The following ALK variants were observed in gnomAD, a reference collection of about 807,000 sequenced individuals.
The protein encoded by ALK is ALK tyrosine kinase receptor.
In ALK, 74 loss-of-function variants were observed where a neutral mutation model predicts 163.1. The ratio of observed to expected loss-of-function variants is 0.45; its 90% CI spans 0.38 to 0.55. ALK has a LOEUF of 0.55. ALK is among the 20% of genes least tolerant of loss of function. The pLI is 0.00. For synonymous variants in ALK, 960 were observed against 843.2 expected (o/e 1.14, Z -2.40); for missense variants, 2,063 against 2,105.3 (o/e 0.98, Z 0.39).
At chr2:29,761,485 G>C (rs145160634) in intron 1 of ALK, among the ~76,000 whole-genome samples, 1 of 152,184 alleles carries the variant, frequency 6.6e-6, no homozygotes, top group Admixed American at 6.5e-5. Context: ...GCATGACCTC[G>C]GGGAGTGTCA....
chr2:29,277,692 G>A (rs1665583515), intron 9 of ALK, among the ~76,000 whole-genome samples: 1 of 152,234 alleles, frequency 6.6e-6, no homozygotes, highest in Non-Finnish European at 1.5e-5. Flanking sequence ...TGGTGGTTGG[G>A]TGTGGAAGGA....
Position 29,615,219 on chromosome 2 carries a change from T to C in ALK, c.952+79631A>G, listed in dbSNP as rs1675807186. 2.0e-5 allele frequency among the ~76,000 whole-genome samples: 3 copies of C among 152,184 alleles called. No individual in the cohort carries two copies. The South Asian group carries it at 6.2e-4, about 32-fold the overall frequency. On this transcript the variant is annotated intron_variant, in intron 3 of 28. Transcript: ENST00000389048. Reference sequence around the variant, plus strand: ...TCCTTCCTACTTGGTTACATGATATTTACTCTTCCAGATATCATGCCACCT... The same window carrying C: ...TCCTTCCTACTTGGTTACATGATATCTACTCTTCCAGATATCATGCCACCT...
chr2:29,674,418 A>G (rs1335638301), intron 3 of ALK, among the ~76,000 whole-genome samples: 1 of 151,378 alleles, frequency 6.6e-6, no homozygotes, highest in Non-Finnish European at 1.5e-5. Flanking sequence ...CCTTTTCTGC[A>G]TCTATTGAGA....
chr2:29,912,243 A>G (rs919851340), intron 1 of ALK, among the ~76,000 whole-genome samples: 1 of 152,204 alleles, frequency 6.6e-6, no homozygotes, highest in Non-Finnish European at 1.5e-5. Context: ...TATAGACTCA[A>G]GAGTCTCAAA....
chr2:29,306,578 C>T (rs1239679170), intron 8 of ALK, among the ~76,000 whole-genome samples: 5 of 152,164 alleles, frequency 3.3e-5, no homozygotes, highest in South Asian at 2.1e-4. Context: ...GAAATACTTT[C>T]GTGCTGGAGA....
chr2:29,479,793 C>T (rs1671618587), intron 4 of ALK, among the ~76,000 whole-genome samples: 1 of 152,148 alleles, frequency 6.6e-6, no homozygotes, highest in Non-Finnish European at 1.5e-5. Flanking sequence ...GCCCTCTGCT[C>T]TGGCAGTGAC....
At chr2:29,591,027 C>T (rs535950448) in intron 3 of ALK, among the ~76,000 whole-genome samples, 3 of 141,170 alleles carry the variant, frequency 2.1e-5, no homozygotes, top group South Asian at 2.3e-4. Context: ...GCCGAGATCG[C>T]GCCACCGCAC....
In ALK at chr2:29,272,734, T is replaced by C. The variant is rs1339553486; in HGVS notation, c.2041+2365A>G. 3.9e-5 allele frequency among the ~76,000 whole-genome samples: 6 copies of C among 152,308 alleles called. No homozygotes were observed. The East Asian group carries it at 1.2e-3, about 29-fold the overall frequency. On this transcript the variant is annotated intron_variant, in intron 11 of 28. Coordinates refer to ENST00000389048, the MANE Select transcript of ALK (RefSeq NM_004304.5). ...GTCTCCTCGATTGTTTGTCAGAAGG[T>C]TGGGAGCTGATTTGTTTACTGTTCG...
At position 29,267,535 on chromosome 2, in the gene ALK, C is replaced by G. The variant is rs1053341018; in HGVS notation, c.2041+7564G>C. 3.3e-5 allele frequency among the ~76,000 whole-genome samples: 5 copies of G among 152,120 alleles called. No homozygotes were observed. The East Asian group carries it at 5.8e-4, about 18-fold the overall frequency. The stretch of plus-strand genomic sequence containing the variant: ...GTGTAAGCACCCAGCAGGGAGGGCA[C>G]TGGCTGGGCTGAGTTCTGCCCTGTG... On this transcript the variant is annotated intron_variant, in intron 11 of 28. Transcript: ENST00000389048.
intron 3 of ALK, among the ~76,000 whole-genome samples, chr2:29,647,419 T>C (rs553023794): frequency 6.6e-6 from 1 of 152,276 alleles, no homozygotes; most frequent in East Asian, 1.9e-4. Context: ...AGCTTCTCAG[T>C]TGACTTCCCC....
At chr2:29,214,121 T>A (rs2148159714) in intron 23 of ALK, 40 bp from the exon 24 acceptor site, 1 of 1,558,410 alleles carries the variant, frequency 6.4e-7, no homozygotes, top group Non-Finnish European at 8.8e-7. Flanking sequence ...GAGGAGCTTG[T>A]CAGTGAGAGG....
intron 4 of ALK, among the ~76,000 whole-genome samples, chr2:29,423,108 A>G (rs1670057017): frequency 6.6e-6 from 1 of 152,216 alleles, no homozygotes; most frequent in Non-Finnish European, 1.5e-5. Context: ...GCAGAAAGAA[A>G]GAAAAGTGGC....
intron 4 of ALK, among the ~76,000 whole-genome samples, chr2:29,531,205 G>C (rs1438951260): frequency 6.6e-6 from 1 of 152,234 alleles, no homozygotes; most frequent in Non-Finnish European, 1.5e-5. Flanking sequence ...AAAGTAATCA[G>C]ATCTGGGGTC....
chr2:29,255,643 TA>T (rs1664931338), intron 11 of ALK, among the ~76,000 whole-genome samples: 1 of 152,218 alleles, frequency 6.6e-6, no homozygotes, highest in East Asian at 1.9e-4. Context: ...TGGGGGTGAT[TA>T]AACCGTTCCC....
At chr2:29,212,438 AG>A (rs1669490385) in intron 24 of ALK, among the ~76,000 whole-genome samples, 1 of 152,232 alleles carries the variant, frequency 6.6e-6, no homozygotes, top group African/African-American at 2.4e-5. Context: ...CAGATGGTAA[AG>A]CTAGGCCCAG....
chr2:29,691,536 A>G (rs913140402), intron 3 of ALK, among the ~76,000 whole-genome samples: 1 of 152,206 alleles, frequency 6.6e-6, no homozygotes, highest in Non-Finnish European at 1.5e-5. Context: ...AAAAAAACAG[A>G]TATTCCAATC....
chr2:29,257,578 A>C (rs1486259397), intron 11 of ALK, among the ~76,000 whole-genome samples: 2 of 152,230 alleles, frequency 1.3e-5, no homozygotes, highest in African/African-American at 4.8e-5. Flanking sequence ...TACAAAGGAA[A>C]GTTCTCGATC....
chr2:29,867,149 T>A (rs1323913507), intron 1 of ALK, among the ~76,000 whole-genome samples: 1 of 152,152 alleles, frequency 6.6e-6, no homozygotes, highest in African/African-American at 2.4e-5. Context: ...GAATGTTAGA[T>A]TTAAAAGAAA....
chr2:29,357,184 A>G (rs1161069677), intron 5 of ALK, among the ~76,000 whole-genome samples: 2 of 152,230 alleles, frequency 1.3e-5, no homozygotes, highest in Non-Finnish European at 2.9e-5. Flanking sequence ...ATACGAGCTA[A>G]CCCATTTAAA....
Sources: allele counts gnomAD v4.1 joint callset (sites outside exome capture counted in the v4.1 genomes callset), GRCh38; gene constraint gnomAD v4.1.1; transcripts MANE v1.5; gene names NCBI Gene and HGNC (gene_info 2026-07-23, HGNC 2026-07-21).